The following PALM2AKAP2 variants were observed in gnomAD, a reference collection of about 807,000 sequenced individuals.
PALM2AKAP2 encodes PALM2-AKAP2 fusion protein.
PALM2AKAP2 carries 37 observed loss-of-function variants against 71.5 expected under a neutral mutation model. That is an observed-to-expected ratio of 0.52 (90% CI 0.40 to 0.68). The LOEUF (loss-of-function observed/expected upper bound fraction) is 0.68, where lower values mean the gene tolerates loss of function less well. Among genes scored for constraint, PALM2AKAP2 ranks in the 30% least tolerant of loss-of-function variants. PALM2AKAP2 has a pLI of 0.00. For synonymous variants in PALM2AKAP2, 468 were observed against 478.8 expected (o/e 0.98, Z 0.29); for missense variants, 1,224 against 1,191.8 (o/e 1.03, Z -0.40).
At chr9:109,973,215 C>T (rs1037343415) in intron 6 of PALM2AKAP2, among the ~76,000 whole-genome samples, 3 of 152,204 alleles carry the variant, frequency 2.0e-5, no homozygotes, top group South Asian at 4.1e-4. Flanking sequence ...AGCAGTTGAT[C>T]TGGTAGAAAC....
chr9:109,780,631 C>T, intron 1 of PALM2AKAP2, 98 bp downstream of exon 1: 2 of 1,530,774 alleles, frequency 1.3e-6, no homozygotes, highest in East Asian at 2.3e-5. Flanking sequence ...ACAGTAGCCG[C>T]AGGTCATATG....
At chr9:109,698,306 T>C (rs1368336213) in intron 1 of PALM2AKAP2, among the ~76,000 whole-genome samples, 4 of 147,734 alleles carry the variant, frequency 2.7e-5, no homozygotes, top group African/African-American at 7.8e-5. Flanking sequence ...AGACGGAGTT[T>C]CGCTTTTGTC....
chr9:110,137,090 C>G (rs752700428), exon 2 of PALM2AKAP2: 1 of 898,724 alleles, frequency 1.1e-6, no homozygotes, highest in Admixed American at 2.1e-5. Flanking sequence ...GAAGCAGTTA[C>G]AGCAGCAGCA....
At chr9:110,030,175 A>G (rs892430176) in intron 7 of PALM2AKAP2, among the ~76,000 whole-genome samples, 5 of 152,208 alleles carry the variant, frequency 3.3e-5, no homozygotes, top group African/African-American at 1.2e-4. Context: ...TCTTAGAGGA[A>G]ACGGAGATAG....
rs397798803 is a variant in PALM2AKAP2 at position 109,919,735 on chromosome 9, A to ATATG, written c.258-3999_258-3998insATGT. On this transcript the variant is annotated intron_variant, in intron 3 of 9. Coordinates refer to the PALM2AKAP2 transcript ENST00000302798. Reference sequence around the variant, plus strand: ...TATATATATATATGTGTGTATACATATGTGTGTGTGTGTGTGTGTGTGTGT... The same window carrying ATATG: ...TATATATATATATGTGTGTATACATATATGTGTGTGTGTGTGTGTGTGTGTGTGT... Among the ~76,000 whole-genome samples the ATATG allele has an allele frequency of 4.5e-3, 643 of 143,050 alleles. 1 individual carries two copies. Among genetic ancestry groups the ATATG allele is most frequent in the African/African-American group, 0.011 (432 of 38,960 alleles). The allele number at this position is 143,050 out of a possible 152,430, so 93.8% of individuals were successfully genotyped here. A position where few individuals can be genotyped will look rare whatever the true frequency, so the allele number is the denominator to read the frequency against.
chr9:110,162,111 G>A, intron 3 of PALM2AKAP2: 1 of 1,614,016 alleles, frequency 6.2e-7, no homozygotes, highest in Non-Finnish European at 8.5e-7. Flanking sequence ...CTAAGTTACT[G>A]TCTTGCAAGG....
At chr9:109,918,387 A>C (rs1330609521) in intron 3 of PALM2AKAP2, among the ~76,000 whole-genome samples, 1 of 152,120 alleles carries the variant, frequency 6.6e-6, no homozygotes, top group Non-Finnish European at 1.5e-5. Context: ...AGTAAATTAA[A>C]CCTACACAGC....
intron 2 of PALM2AKAP2, among the ~76,000 whole-genome samples, chr9:110,149,961 C>T (rs374063301): frequency 6.6e-6 from 1 of 152,208 alleles, no homozygotes; most frequent in African/African-American, 2.4e-5. Flanking sequence ...TGAGACCAGC[C>T]TGGTCTCAAT....
At chr9:110,033,797 T>C (rs1156706425) in intron 7 of PALM2AKAP2, among the ~76,000 whole-genome samples, 1 of 152,212 alleles carries the variant, frequency 6.6e-6, no homozygotes, top group Admixed American at 6.5e-5. Flanking sequence ...CTGTAGTTTT[T>C]TGGACAGGCT....
At chr9:109,998,641 C>T (rs1410809646) in intron 6 of PALM2AKAP2, among the ~76,000 whole-genome samples, 1 of 151,076 alleles carries the variant, frequency 6.6e-6, no homozygotes, top group Non-Finnish European at 1.5e-5. Context: ...GAGTGGGGAG[C>T]CTGTAGTCTC....
At chr9:110,057,375 T>G (rs1244718782) in intron 1 of PALM2AKAP2, among the ~76,000 whole-genome samples, 3 of 131,370 alleles carry the variant, frequency 2.3e-5, no homozygotes, top group East Asian at 4.2e-4. Flanking sequence ...TGTTTTTTTT[T>G]TTTTTGTTTT....
chr9:109,868,622 T>G (rs77837256), intron 2 of PALM2AKAP2, among the ~76,000 whole-genome samples: 3,785 of 152,294 alleles, frequency 0.025, 173 homozygotes, highest in African/African-American at 0.086. Flanking sequence ...ATACCCAAAA[T>G]GAGAACCATC....
At chr9:109,684,211 G>A (rs1047236486) in intron 1 of PALM2AKAP2, among the ~76,000 whole-genome samples, 1 of 152,094 alleles carries the variant, frequency 6.6e-6, no homozygotes, top group African/African-American at 2.4e-5. Flanking sequence ...TTCTATCAGT[G>A]GGTTCTCATG....
chr9:110,097,180 T>C (rs1834867516), intron 1 of PALM2AKAP2, among the ~76,000 whole-genome samples: 1 of 151,224 alleles, frequency 6.6e-6, no homozygotes, highest in South Asian at 2.1e-4. Flanking sequence ...CCTTCAAGCG[T>C]CTGTTTAACA....
intron 1 of PALM2AKAP2, among the ~76,000 whole-genome samples, chr9:110,068,438 CTGCTCTAGTGGTGGGTCTGAGGTT>C (rs1217179515): frequency 6.7e-6 from 1 of 149,126 alleles, no homozygotes; most frequent in East Asian, 1.9e-4. Context: ...ATAGGAATCT[CTGCTCTAGTGGTGGGTCTGAGGTT>C]TGCTCTAGTG....
At chr9:109,759,584 ACAACAACAACAACAG>A (rs1829019560) in intron 1 of PALM2AKAP2, among the ~76,000 whole-genome samples, 1 of 152,062 alleles carries the variant, frequency 6.6e-6, no homozygotes, top group South Asian at 2.1e-4. Flanking sequence ...AAGCAAACAA[ACAACAACAACAACAG>A]CAACAACAAC....
chr9:109,730,754 A>G (rs1396514223), intron 1 of PALM2AKAP2, among the ~76,000 whole-genome samples: 1 of 152,176 alleles, frequency 6.6e-6, no homozygotes, highest in Non-Finnish European at 1.5e-5. Flanking sequence ...TCTCAGGCCA[A>G]TGGGATGTGT....
chr9:109,838,367 T>C (rs1027571045), intron 1 of PALM2AKAP2, among the ~76,000 whole-genome samples: 3 of 152,090 alleles, frequency 2.0e-5, no homozygotes, highest in African/African-American at 4.8e-5. Flanking sequence ...CTCCGGGACA[T>C]ATTTAAAGCA....
chr9:109,841,515 TAAAAA>T (rs369447070), intron 1 of PALM2AKAP2, among the ~76,000 whole-genome samples: 1 of 18,706 alleles, frequency 5.3e-5, no homozygotes, highest in South Asian at 1.9e-3. Context: ...TAAAGTATAA[TAAAAA>T]AAAAAAAGAA....
Sources: allele counts gnomAD v4.1 joint callset (sites outside exome capture counted in the v4.1 genomes callset), GRCh38; gene constraint gnomAD v4.1.1; transcripts MANE v1.5; gene names NCBI Gene and HGNC (gene_info 2026-07-23, HGNC 2026-07-21).